Variants in DDX46 observed in about 807,000 individuals in gnomAD.
The protein encoded by DDX46 is probable ATP-dependent RNA helicase DDX46.
DDX46 carries 30 observed loss-of-function variants against 134.9 expected under a neutral mutation model. The observed-to-expected ratio is 0.22, with a 90% confidence interval of 0.17 to 0.30. DDX46 has a LOEUF of 0.30. Among genes scored for constraint, DDX46 ranks in the 10% least tolerant of loss-of-function variants. The pLI is 1.00. For missense variants in DDX46, 622 were observed against 1,248.7 expected (o/e 0.50, Z 7.56); for synonymous variants, 415 against 404.1 (o/e 1.03, Z -0.32).
At chr5:134,767,696 A>C (rs1287883635) in intron 3 of DDX46, among the ~76,000 whole-genome samples, 1 of 151,602 alleles carries the variant, frequency 6.6e-6, no homozygotes, top group African/African-American at 2.4e-5. Context: ...GACGCCTGTA[A>C]TCCTTGCACT....
At chr5:134,821,732 T>G (rs568305144) in intron 21 of DDX46, among the ~76,000 whole-genome samples, 3 of 151,186 alleles carry the variant, frequency 2.0e-5, no homozygotes, top group Non-Finnish European at 1.5e-5. Flanking sequence ...ACTTTTTGTA[T>G]TTTTAGTAGA....
intron 15 of DDX46, among the ~76,000 whole-genome samples, chr5:134,801,601 A>G (rs769875737): frequency 2.0e-5 from 3 of 152,020 alleles, no homozygotes; most frequent in Non-Finnish European, 4.4e-5. Context: ...AGGTTTCACC[A>G]TGTTGCCTAG....
chr5:134,791,860 C>T (rs1480251589), intron 13 of DDX46, among the ~76,000 whole-genome samples: 1 of 152,116 alleles, frequency 6.6e-6, no homozygotes, highest in East Asian at 1.9e-4. Context: ...AATGCTTGAA[C>T]CATATGCGAA....
At chr5:134,783,979 C>T (rs1196111769) in intron 9 of DDX46, among the ~76,000 whole-genome samples, 2 of 151,802 alleles carry the variant, frequency 1.3e-5, no homozygotes, top group East Asian at 1.9e-4. Context: ...ACCACTGCGC[C>T]CTGCCTAATT....
rs1391061766 is a variant in DDX46, at chr5:134,829,728, G to T, written c.*1022G>T. 1 of 152,094 alleles carries T rather than the reference G, an allele frequency of 6.6e-6. No homozygotes were observed. The highest frequency in any genetic ancestry group is 2.4e-5 in the African/African-American group (1 of 41,398). 9.4% of individuals were successfully genotyped at this position (152,094 alleles called of 1,614,324 possible). ...TATCCCAGCAATTTGGGAGGCCGAG[G>T]TGGGCAGATCACTTGAGGTCAGGAG... On this transcript the variant is annotated 3_prime_UTR_variant, in exon 23 of 23. Coordinates refer to ENST00000452510, the MANE Select transcript of DDX46 (RefSeq NM_001300860.2).
chr5:134,812,264 C>T (rs1755166794), intron 18 of DDX46, among the ~76,000 whole-genome samples: 1 of 151,824 alleles, frequency 6.6e-6, no homozygotes, highest in South Asian at 2.1e-4. Flanking sequence ...GGGGTTTAAC[C>T]TTCTTGCCCA....
intron 15 of DDX46, among the ~76,000 whole-genome samples, chr5:134,806,669 A>G (rs1397720304): frequency 6.6e-6 from 1 of 152,212 alleles, no homozygotes; most frequent in East Asian, 1.9e-4. Context: ...TTTAGGTAGT[A>G]CTAAGAATTA....
rs748744733 is a variant in DDX46, at chr5:134,782,908, A to G, written c.1046-37A>G. Reference sequence around the variant, plus strand: ...AAAAGTAGAAGACACCAATAGAACAATATTTAAGAACTTTTAATCTGGGTT... The same window carrying G: ...AAAAGTAGAAGACACCAATAGAACAGTATTTAAGAACTTTTAATCTGGGTT... On this transcript the variant is annotated intron_variant, in intron 8 of 22. Coordinates refer to ENST00000452510, the MANE Select transcript of DDX46 (RefSeq NM_001300860.2). The G allele has an allele frequency of 2.3e-5, 37 of 1,603,734 alleles. 1 individual carries two copies. The highest frequency in any genetic ancestry group is 2.8e-5 in the Non-Finnish European group (33 of 1,175,126).
At chr5:134,792,211 A>G (rs1754525856) in intron 13 of DDX46, among the ~76,000 whole-genome samples, 1 of 151,994 alleles carries the variant, frequency 6.6e-6, no homozygotes, top group African/African-American at 2.4e-5. Context: ...AATAGTAATA[A>G]TAATCAGCTT....
In DDX46 at chr5:134,782,010, T is replaced by C. The variant is rs1405355401; in HGVS notation, c.969T>C (p.His323=). Residue 323 remains histidine (H), a synonymous_variant, in exon 8 of 23, where the codon CAT becomes CAC. Coordinates refer to ENST00000452510, the MANE Select transcript of DDX46 (RefSeq NM_001300860.2). Reference sequence around the variant, plus strand: ...GAAAGCTTCTAGAACCAGTTGATCATGGAAAAATTGAGTATGAGCCATTTA... The same window carrying C: ...GAAAGCTTCTAGAACCAGTTGATCACGGAAAAATTGAGTATGAGCCATTTA... ...KQRKLLEPVD[H]GKIEYEPFRK... 2 of 1,609,430 alleles carry C rather than the reference T, an allele frequency of 1.2e-6. No individual in the cohort carries two copies. Among genetic ancestry groups the C allele is most frequent in the Non-Finnish European group, 1.7e-6 (2 of 1,179,050 alleles).
chr5:134,782,903 G>T, intron 8 of DDX46, 42 bp from the exon 9 acceptor site: 1 of 1,601,030 alleles, frequency 6.2e-7, no homozygotes, highest in South Asian at 1.1e-5. Context: ...GACACCAATA[G>T]AACAATATTT....
At chr5:134,812,531 C>T (rs1220721322) in intron 18 of DDX46, among the ~76,000 whole-genome samples, 1 of 152,140 alleles carries the variant, frequency 6.6e-6, no homozygotes. Context: ...AGGAAATTGA[C>T]TCCAAGAAAA....
At chr5:134,770,241 C>T (rs1753719529) in intron 3 of DDX46, among the ~76,000 whole-genome samples, 1 of 144,584 alleles carries the variant, frequency 6.9e-6, no homozygotes, top group African/African-American at 2.6e-5. Flanking sequence ...GACAGGGTCT[C>T]ACTTTGTCAC....
intron 17 of DDX46, 147 bp downstream of exon 17, chr5:134,811,505 C>G (rs1047169728): frequency 2.1e-5 from 26 of 1,215,238 alleles, no homozygotes; most frequent in Non-Finnish European, 2.8e-5. Flanking sequence ...TGAGTGAAAG[C>G]TAAAATCCTA....
intron 3 of DDX46, among the ~76,000 whole-genome samples, chr5:134,768,650 T>C (rs1319068863): frequency 6.6e-6 from 1 of 152,012 alleles, no homozygotes. Context: ...AGAAAAAAGG[T>C]TGACTAATTT....
intron 15 of DDX46, among the ~76,000 whole-genome samples, chr5:134,799,927 T>C (rs944785492): frequency 3.9e-5 from 6 of 152,120 alleles, no homozygotes; most frequent in African/African-American, 1.4e-4. Context: ...AGTTTATCTC[T>C]GTCCCTACCC....
At chr5:134,792,953 A>C (rs929439041) in intron 13 of DDX46, among the ~76,000 whole-genome samples, 4 of 152,196 alleles carry the variant, frequency 2.6e-5, no homozygotes, top group African/African-American at 9.6e-5. Flanking sequence ...TCAGGAGTTC[A>C]AGACAAGCAG....
chr5:134,761,099 C>A lies in DDX46; in HGVS notation c.17+2144C>A, dbSNP rs892188903. On this transcript the variant is annotated intron_variant, in intron 1 of 22. Transcript: ENST00000452510. ...GGAGTGCATTGAAACAATCTTGGCT[C>A]ACTGCAACCTATGCTTCCCAGGTTC... is the stretch of plus-strand genomic sequence containing the variant. Among the ~76,000 whole-genome samples the A allele has an allele frequency of 7.9e-5, 12 of 152,280 alleles. No homozygotes were observed. In the South Asian group the frequency reaches 8.3e-4, roughly 11 times the overall value.
intron 2 of DDX46, among the ~76,000 whole-genome samples, 179 bp downstream of exon 2, chr5:134,764,271 C>T (rs1420576657): frequency 6.7e-6 from 1 of 148,956 alleles, no homozygotes; most frequent in Non-Finnish European, 1.5e-5. Context: ...CTCTATCAAA[C>T]AGTGTTTTTT....
Sources: allele counts gnomAD v4.1 joint callset (sites outside exome capture counted in the v4.1 genomes callset), GRCh38; gene constraint gnomAD v4.1.1; transcripts MANE v1.5; gene names NCBI Gene and HGNC (gene_info 2026-07-23, HGNC 2026-07-21).